FAM219B: variants seen among roughly 807,000 people sequenced by gnomAD.
The protein encoded by FAM219B is family with sequence similarity 219 member B, also known as protein FAM219B.
In FAM219B, 18 loss-of-function variants were observed where a neutral mutation model predicts 19.9. That is an observed-to-expected ratio of 0.91 (90% CI 0.63 to 1.34). The LOEUF (loss-of-function observed/expected upper bound fraction) is 1.34, where lower values mean the gene tolerates loss of function less well. Among genes scored for constraint, FAM219B ranks in the 40% most tolerant of loss-of-function variants. The pLI is 0.00. For missense variants in FAM219B, 283 were observed against 270.5 expected (o/e 1.05, Z -0.32); for synonymous variants, 123 against 117.5 (o/e 1.05, Z -0.30).
chr15:74,898,364 C>A (rs879061028), downstream of FAM219B: 4 of 174,218 alleles, frequency 2.3e-5, no homozygotes, highest in South Asian at 5.1e-4. Flanking sequence ...GCAGGCTACA[C>A]TCCAGAACAC....
intron 3 of FAM219B, chr15:74,904,921 A>G (rs959337170): frequency 6.6e-7 from 1 of 1,505,736 alleles, no homozygotes; most frequent in Admixed American, 2.0e-5. Flanking sequence ...CAATGCAAAC[A>G]TAACAGGGCA....
intron 2 of FAM219B, 200 bp from the exon 3 acceptor site, chr15:74,905,431 T>C (rs2065147007): frequency 4.0e-6 from 2 of 505,158 alleles, no homozygotes; most frequent in South Asian, 2.0e-5. Flanking sequence ...CATTCTTTTT[T>C]TCTTTTTTTG....
At chr15:74,902,808 A>C in intron 4 of FAM219B, 22 bp from the exon 5 acceptor site, 1 of 1,589,826 alleles carries the variant, frequency 6.3e-7, no homozygotes, top group South Asian at 1.2e-5. Context: ...AGAGGAGGGA[A>C]CTATAGGCCA....
chr15:74,906,611 C>T lies in FAM219B; in HGVS notation c.190G>A (p.Ala64Thr). 1 of 1,508,042 alleles carries T rather than the reference C, an allele frequency of 6.6e-7. No individual in the cohort carries two copies. The highest frequency in any genetic ancestry group is 1.4e-5 in the African/African-American group (1 of 71,390). 93.4% of individuals were successfully genotyped at this position (1,508,042 alleles called of 1,614,324 possible). A position where few individuals can be genotyped will look rare whatever the true frequency, so the allele number is the denominator to read the frequency against. The change falls in exon 1 of 5, where the codon GCA becomes ACA. Residue 64 changes from alanine to threonine, a missense_variant. By Grantham distance (58) the Ala-to-Thr change is moderately conservative. Coordinates refer to ENST00000357635, the MANE Select transcript of FAM219B (RefSeq NM_020447.5). ...EKRGPYMVTR[A>T]PSIQAKLQKH... is the part of the protein sequence containing the mutation. ...CGCAGCTTGGCTTGAATGGAGGGTG[C>T]GCGCGTCACCATGTATGGCCCCCGC...
At position 74,902,518 on chromosome 15, in the gene FAM219B, G is replaced by A. The variant is rs2065003403; in HGVS notation, c.*101C>T. 7.9e-7 allele frequency: 1 copy of A among 1,267,028 alleles called. No homozygotes were observed. Among genetic ancestry groups the A allele is most frequent in the Admixed American group, 2.8e-5 (1 of 35,520 alleles). The allele number at this position is 1,267,028 out of a possible 1,614,324, so 78.5% of individuals were successfully genotyped here. A position where few individuals can be genotyped will look rare whatever the true frequency, so the allele number is the denominator to read the frequency against. On this transcript the variant is annotated 3_prime_UTR_variant, in exon 5 of 5. Coordinates refer to ENST00000357635, the MANE Select transcript of FAM219B (RefSeq NM_020447.5). ...GGGCTACCTGCAGGTCACTTTCTAG[G>A]GGTCAGTGACTTCAGTGCTCACTGC...
chr15:74,905,144 G>A lies in FAM219B; in HGVS notation c.380+10C>T, dbSNP rs749590408. On this transcript the variant is annotated intron_variant, in intron 3 of 4. Coordinates refer to ENST00000357635, the MANE Select transcript of FAM219B (RefSeq NM_020447.5). ...CTTCCCAAGGGGGTATTTCCAAGGG[G>A]AGCACTCACCTGTCAGAGTCGAGGG... 3.1e-6 allele frequency: 5 copies of A among 1,613,976 alleles called. No homozygotes were observed. The highest frequency in any genetic ancestry group is 2.2e-5 in the South Asian group (2 of 91,066).
chr15:74,904,768 A>T, intron 3 of FAM219B, 56 bp from the exon 4 acceptor site: 2 of 1,607,014 alleles, frequency 1.2e-6, no homozygotes, highest in South Asian at 1.1e-5. Flanking sequence ...CACAGCTGTA[A>T]ATCATCAGGC....
In FAM219B at chr15:74,901,069, ACT is replaced by A. The variant is rs2064936122; in HGVS notation, c.*1548_*1549del. ...CTCATGCCTCTGGTGGTCACAGGAC[ACT>A]GAGTAAAGCAAGAGACTGGATACTT... is the stretch of plus-strand genomic sequence containing the variant. On this transcript the variant is annotated 3_prime_UTR_variant, in exon 5 of 5. Coordinates refer to ENST00000357635, the MANE Select transcript of FAM219B (RefSeq NM_020447.5). 6.6e-6 allele frequency: 1 copy of A among 152,226 alleles called. No homozygotes were observed. The highest frequency in any genetic ancestry group is 2.4e-5 in the African/African-American group (1 of 41,442). 9.4% of individuals were successfully genotyped at this position (152,226 alleles called of 1,614,324 possible).
chr15:74,906,549 C>T (rs1157278275), intron 1 of FAM219B, 38 bp downstream of exon 1: 24 of 1,475,500 alleles, frequency 1.6e-5, no homozygotes, highest in Non-Finnish European at 1.9e-5. Context: ...GCCGCCCGCC[C>T]AGGGAGAAAC....
At chr15:74,905,981 G>A (rs2065170906) in intron 2 of FAM219B, 1 of 360,566 alleles carries the variant, frequency 2.8e-6, no homozygotes, top group African/African-American at 2.1e-5. Flanking sequence ...ACTGCTCTTC[G>A]TCCTCATTGC....
chr15:74,902,793 G>A lies in FAM219B; in HGVS notation c.430-7C>T. 1 of 1,604,256 alleles carries A rather than the reference G, an allele frequency of 6.2e-7. No homozygotes were observed. The highest frequency in any genetic ancestry group is 8.5e-7 in the Non-Finnish European group (1 of 1,175,254). ...TCACATCCTGGTTCACCTGCTAAGA[G>A]AAGGAGAGGAGGGAACTATAGGCCA... On this transcript the variant is annotated splice_region_variant and splice_polypyrimidine_tract_variant and intron_variant, in intron 4 of 4. Transcript: ENST00000357635.
rs2065110276 is a variant in FAM219B at position 74,904,651 on chromosome 15, G to T, written c.429+13C>A. On this transcript the variant is annotated intron_variant, in intron 4 of 4. Transcript: ENST00000357635. ...GCAGCCTGGCCCTGCACAGAAAGGT[G>T]TTCTGGACTTGCCTCTGCAGATGAA... The T allele has an allele frequency of 6.2e-7, 1 of 1,614,214 alleles. No individual in the cohort carries two copies. Among genetic ancestry groups the T allele is most frequent in the African/African-American group, 1.3e-5 (1 of 75,068 alleles).
chr15:74,901,889 G>A lies in FAM219B; in HGVS notation c.*730C>T, dbSNP rs1386474704. ...CAAGGAAATACAAATAAATAAATAT[G>A]AACATGTCAGAGCAGTTTTTCTCTA... On this transcript the variant is annotated 3_prime_UTR_variant, in exon 5 of 5. Transcript: ENST00000357635. 1 of 386,032 alleles carries A rather than the reference G, an allele frequency of 2.6e-6. No individual in the cohort carries two copies. Among genetic ancestry groups the A allele is most frequent in the Admixed American group, 4.5e-5 (1 of 22,296 alleles). The allele number at this position is 386,032 out of a possible 1,614,324, so 23.9% of individuals were successfully genotyped here. A position where few individuals can be genotyped will look rare whatever the true frequency, so the allele number is the denominator to read the frequency against.
intron 2 of FAM219B, chr15:74,905,454 G>A: frequency 2.3e-6 from 1 of 439,088 alleles, no homozygotes; most frequent in South Asian, 2.1e-5. Context: ...GACAGAGTCT[G>A]GCCCTGTCAC....
chr15:74,905,977 C>T (rs2065170544), intron 2 of FAM219B: 3 of 364,746 alleles, frequency 8.2e-6, no homozygotes, highest in African/African-American at 2.1e-5. Flanking sequence ...CCACACTGCT[C>T]TTCGTCCTCA....
rs1049522420 is a variant in FAM219B at position 74,900,783 on chromosome 15, G to A, written c.*1836C>T. 2 of 152,252 alleles carry A rather than the reference G, an allele frequency of 1.3e-5. No homozygotes were observed. Among genetic ancestry groups the A allele is most frequent in the African/African-American group, 4.8e-5 (2 of 41,440 alleles). The allele number at this position is 152,252 out of a possible 1,614,324, so 9.4% of individuals were successfully genotyped here. On this transcript the variant is annotated 3_prime_UTR_variant, in exon 5 of 5. Transcript: ENST00000357635. ...GCCTCTCTTCCCAAGACCCCAAGCT[G>A]GCATGACTCTGGTCTCTGTCCTATC...
Position 74,902,080 on chromosome 15 carries a change from G to A in FAM219B, c.*539C>T, listed in dbSNP as rs967348523. 5.0e-6 allele frequency: 2 copies of A among 398,600 alleles called. No homozygotes were observed. Among genetic ancestry groups the A allele is most frequent in the Admixed American group, 8.8e-5 (2 of 22,734 alleles). 24.7% of individuals were successfully genotyped at this position (398,600 alleles called of 1,614,324 possible). A position where few individuals can be genotyped will look rare whatever the true frequency, so the allele number is the denominator to read the frequency against. On this transcript the variant is annotated 3_prime_UTR_variant, in exon 5 of 5. Transcript: ENST00000357635. Reference sequence around the variant, plus strand: ...AGGTGCAACCTGAAGAGGGACAAAAGGACTCACTTTATGCTGTCTTGAAGG... The same window carrying A: ...AGGTGCAACCTGAAGAGGGACAAAAAGACTCACTTTATGCTGTCTTGAAGG...
intron 2 of FAM219B, chr15:74,906,045 ATG>A: frequency 1.9e-6 from 1 of 527,504 alleles, no homozygotes; most frequent in Non-Finnish European, 3.4e-6. Flanking sequence ...ATGATAGTGA[ATG>A]AGCCTGTGCA....
rs2141259261 is a variant in FAM219B, at chr15:74,906,843, C to G, written c.-43G>C. 2 of 1,236,088 alleles carry G rather than the reference C, an allele frequency of 1.6e-6. No homozygotes were observed. The highest frequency in any genetic ancestry group is 3.9e-5 in the South Asian group (1 of 25,590). The allele number at this position is 1,236,088 out of a possible 1,614,324, so 76.6% of individuals were successfully genotyped here. A position where few individuals can be genotyped will look rare whatever the true frequency, so the allele number is the denominator to read the frequency against. On this transcript the variant is annotated 5_prime_UTR_variant, in exon 1 of 5. Transcript: ENST00000357635. ...CCGGATGGTGCAACCCCGCCCGTGGCGAAAGAGTGACCGGCCGAGGGAGAG... is the reference window on the plus strand; with the variant it reads ...CCGGATGGTGCAACCCCGCCCGTGGGGAAAGAGTGACCGGCCGAGGGAGAG...
Sources: allele counts gnomAD v4.1 joint callset, GRCh38; gene constraint gnomAD v4.1.1; transcripts MANE v1.5; gene names NCBI Gene and HGNC (gene_info 2026-07-23, HGNC 2026-07-21).